ZFHX3: variants seen among roughly 807,000 people sequenced by gnomAD.
The protein encoded by ZFHX3 is zinc finger homeobox 3.
A neutral mutation model predicts 279.1 loss-of-function variants in ZFHX3; 42 were observed. That is an observed-to-expected ratio of 0.15 (90% confidence interval 0.12 to 0.19). The LOEUF is 0.19. ZFHX3 is among the 10% of genes least tolerant of loss of function. The pLI, the probability that ZFHX3 is intolerant of heterozygous loss-of-function variation, is 1.00. For missense variants in ZFHX3, 4,981 were observed against 4,754.0 expected (o/e 1.05, Z -1.40); for synonymous variants, 2,293 against 1,957.8 (o/e 1.17, Z -4.52).
intron 1 of ZFHX3, among the ~76,000 whole-genome samples, chr16:73,889,260 G>C (rs1293590847): frequency 6.6e-6 from 1 of 152,208 alleles, no homozygotes; most frequent in Non-Finnish European, 1.5e-5. Flanking sequence ...AGCTGCGCCA[G>C]ACCCGCGCTC....
chr16:73,369,787 T>A (rs1729522163), intron 3 of ZFHX3, among the ~76,000 whole-genome samples: 2 of 152,238 alleles, frequency 1.3e-5, no homozygotes, highest in Non-Finnish European at 2.9e-5. Flanking sequence ...AAGCCAAAGA[T>A]ATTCTTTAGT....
intron 3 of ZFHX3, among the ~76,000 whole-genome samples, chr16:72,896,632 A>G (rs1177099799): frequency 6.6e-6 from 1 of 152,228 alleles, no homozygotes; most frequent in African/African-American, 2.4e-5. Flanking sequence ...TTAGAAAATA[A>G]TGCATCGTGA....
At chr16:73,600,186 T>C (rs1457990902) in intron 2 of ZFHX3, among the ~76,000 whole-genome samples, 3 of 152,132 alleles carry the variant, frequency 2.0e-5, no homozygotes, top group African/African-American at 7.2e-5. Context: ...ATTAACAAGA[T>C]CAGACTAAAG....
chr16:72,892,037 T>TGGCC (rs1489747181), intron 3 of ZFHX3, among the ~76,000 whole-genome samples: 3 of 152,190 alleles, frequency 2.0e-5, no homozygotes, highest in Non-Finnish European at 4.4e-5. Context: ...AATACCAGAG[T>TGGCC]GGCCCTGTGA....
In ZFHX3 at chr16:72,787,326, C is replaced by A; in HGVS notation, c.10950G>T (p.Gly3650=). Residue 3650 remains glycine, a synonymous_variant, in exon 10 of 10, where the codon GGG becomes GGT. Coordinates refer to ENST00000268489, the MANE Select transcript of ZFHX3 (RefSeq NM_006885.4). Reference sequence around the variant, plus strand: ...CGTCTGTTGGCATCGAGGGCTGAACCCCTGAGGTGCTGCATGAACTTGAGG... The same window carrying A: ...CGTCTGTTGGCATCGAGGGCTGAACACCTGAGGTGCTGCATGAACTTGAGG... ...TVTSSSCSTS[G]VQPSMPTDDY... is the part of the protein sequence containing the mutation. 1 of 1,613,898 alleles carries A rather than the reference C, an allele frequency of 6.2e-7. No individual in the cohort carries two copies. Among genetic ancestry groups the A allele is most frequent in the Non-Finnish European group, 8.5e-7 (1 of 1,179,966 alleles).
intron 2 of ZFHX3, among the ~76,000 whole-genome samples, chr16:73,550,604 A>G (rs1481041451): frequency 6.6e-6 from 1 of 152,226 alleles, no homozygotes; most frequent in African/African-American, 2.4e-5. Context: ...GGTCAGATAC[A>G]AATTGTGGAT....
At chr16:73,865,232 G>C (rs562821851) in intron 1 of ZFHX3, among the ~76,000 whole-genome samples, 140 of 152,328 alleles carry the variant, frequency 9.2e-4, no homozygotes, top group African/African-American at 3.2e-3. Context: ...TGTTGTTTGG[G>C]GAGGGTTTCT....
At chr16:72,857,159 CTCATACA>C (rs1334911232) in intron 4 of ZFHX3, among the ~76,000 whole-genome samples, 1 of 152,228 alleles carries the variant, frequency 6.6e-6, no homozygotes, top group Non-Finnish European at 1.5e-5. Context: ...GACCAATGGC[CTCATACA>C]TTGCCTAGCA....
intron 5 of ZFHX3, among the ~76,000 whole-genome samples, chr16:72,819,398 C>T (rs1013671824): frequency 1.3e-5 from 2 of 152,182 alleles, no homozygotes; most frequent in African/African-American, 2.4e-5. Flanking sequence ...TCACTGAGAT[C>T]GCAGCCTTGA....
intron 5 of ZFHX3, among the ~76,000 whole-genome samples, chr16:73,171,595 C>T (rs906156385): frequency 1.3e-5 from 2 of 152,098 alleles, no homozygotes; most frequent in Non-Finnish European, 2.9e-5. Context: ...GGCAGGTACA[C>T]GATGCATAAG....
intron 1 of ZFHX3, among the ~76,000 whole-genome samples, chr16:73,879,426 A>G (rs2030069786): frequency 6.6e-6 from 1 of 152,130 alleles, no homozygotes; most frequent in African/African-American, 2.4e-5. Flanking sequence ...TTTGTAAGCC[A>G]TTCCCACATT....
intron 1 of ZFHX3, among the ~76,000 whole-genome samples, chr16:73,835,402 A>G (rs1350927126): frequency 1.1e-5 from 1 of 90,342 alleles, no homozygotes; most frequent in Non-Finnish European, 2.3e-5. Context: ...CCCTTTCCCC[A>G]CCTTTCCCCA....
At chr16:72,970,395 C>G (rs142968139) in intron 1 of ZFHX3, among the ~76,000 whole-genome samples, 1 of 152,092 alleles carries the variant, frequency 6.6e-6, no homozygotes, top group Non-Finnish European at 1.5e-5. Flanking sequence ...CACTTGAGTA[C>G]GTAAGTCTCT....
chr16:73,002,002 T>C (rs934600508), intron 1 of ZFHX3, among the ~76,000 whole-genome samples: 1 of 152,012 alleles, frequency 6.6e-6, no homozygotes, highest in African/African-American at 2.4e-5. Context: ...CCTCTCTCCA[T>C]CCTCACAGAT....
chr16:73,443,922 T>A lies in ZFHX3; in HGVS notation c.-1291+12081A>T, dbSNP rs1010088513. Reference sequence around the variant, plus strand: ...GGTGTGTGCCACCATGCCCAGCTAATTTTTTTATTTTCTTTATAATAAAAT... The same window carrying A: ...GGTGTGTGCCACCATGCCCAGCTAAATTTTTTATTTTCTTTATAATAAAAT... On this transcript the variant is annotated intron_variant, in intron 3 of 17. Coordinates refer to the ZFHX3 transcript ENST00000641206. Among the ~76,000 whole-genome samples the A allele has an allele frequency of 3.3e-5, 5 of 151,938 alleles. No individual in the cohort carries two copies. In the East Asian group the frequency reaches 5.8e-4, roughly 18 times the overall value.
At chr16:73,241,830 T>C (rs1035926054) in intron 5 of ZFHX3, among the ~76,000 whole-genome samples, 1 of 147,880 alleles carries the variant, frequency 6.8e-6, no homozygotes. Flanking sequence ...TGTTGGGCAC[T>C]TCTTACTACG....
intron 3 of ZFHX3, among the ~76,000 whole-genome samples, chr16:72,892,502 A>G (rs114089269): frequency 0.013 from 1,937 of 147,494 alleles, 26 homozygotes; most frequent in African/African-American, 0.046. Context: ...TTTACTTTTT[A>G]TTTATTGGTT....
At chr16:73,620,206 GC>G (rs1419957668) in intron 2 of ZFHX3, among the ~76,000 whole-genome samples, 1 of 152,206 alleles carries the variant, frequency 6.6e-6, no homozygotes, top group African/African-American at 2.4e-5. Context: ...ACTAGAGGTA[GC>G]AAAAGAAGAA....
intron 1 of ZFHX3, among the ~76,000 whole-genome samples, chr16:73,718,276 T>C (rs2053435558): frequency 6.6e-6 from 1 of 152,116 alleles, no homozygotes; most frequent in South Asian, 2.1e-4. Flanking sequence ...CCGGGCGTGG[T>C]GGCAGGCACC....
Sources: allele counts gnomAD v4.1 joint callset (sites outside exome capture counted in the v4.1 genomes callset), GRCh38; gene constraint gnomAD v4.1.1; transcripts MANE v1.5; gene names NCBI Gene and HGNC (gene_info 2026-07-23, HGNC 2026-07-21).